The following TMEM129 variants were observed in gnomAD, a reference collection of about 807,000 sequenced individuals.
TMEM129 encodes E3 ubiquitin-protein ligase TM129.
Under a neutral mutation model 34.1 loss-of-function variants are expected in TMEM129, and 35 were observed. The ratio of observed to expected loss-of-function variants is 1.03; its 90% CI spans 0.78 to 1.36. The LOEUF (loss-of-function observed/expected upper bound fraction) is 1.36. Ranked by LOEUF, TMEM129 falls within the 40% of genes most tolerant of loss-of-function variation. TMEM129 has a pLI of 0.00. For missense variants in TMEM129, 504 were observed against 512.6 expected, an observed-to-expected ratio of 0.98 and a Z score of 0.16; for synonymous variants, 239 against 217.3, an observed-to-expected ratio of 1.10 and a Z score of -0.88.
rs1454031758 is a variant in TMEM129 at position 1,717,515 on chromosome 4, C to T, written c.840+1G>A. On this transcript the variant is annotated splice_donor_variant, in intron 3 of 3. Coordinates refer to ENST00000382936, the MANE Select transcript of TMEM129 (RefSeq NM_001127266.2). LOFTEE classifies it high-confidence loss of function. ...ACCCGGCCCTGGCCCAGGCCCCCCA[C>T]CTGGCTGCTGGGCACTGAGTAGGCC... The T allele has an allele frequency of 5.9e-6, 9 of 1,518,084 alleles. No individual in the cohort carries two copies. The highest frequency in any genetic ancestry group is 2.5e-5 in the East Asian group (1 of 40,422). The allele number at this position is 1,518,084 out of a possible 1,614,324, so 94.0% of individuals were successfully genotyped here.
In TMEM129 at chr4:1,718,988, G is replaced by A. The variant is rs997432541; in HGVS notation, c.206-362C>T. 1.4e-5 allele frequency: 18 copies of A among 1,267,602 alleles called. 1 individual carries two copies. Among genetic ancestry groups the A allele is most frequent in the Admixed American group, 5.0e-5 (2 of 40,082 alleles). The allele number at this position is 1,267,602 out of a possible 1,614,324, so 78.5% of individuals were successfully genotyped here. On this transcript the variant is annotated intron_variant, in intron 1 of 3. Coordinates refer to ENST00000382936, the MANE Select transcript of TMEM129 (RefSeq NM_001127266.2). ...GGATCTCAGTCTCTCAATCTCACCCGCTCTGAGGAGGCTGATCAAATGTGG... is the reference window on the plus strand; with the variant it reads ...GGATCTCAGTCTCTCAATCTCACCCACTCTGAGGAGGCTGATCAAATGTGG...
At chr4:1,719,568 G>GA (rs1458708932) in intron 1 of TMEM129, among the ~76,000 whole-genome samples, 1 of 152,182 alleles carries the variant, frequency 6.6e-6, no homozygotes, top group Non-Finnish European at 1.5e-5. Context: ...AATAAAGCTT[G>GA]AAAACTTTCA....
In TMEM129 at chr4:1,721,013, TCCCGCCGC is replaced by T. The variant is rs1717304895; in HGVS notation, c.-184_-177del. ...CCGCGGGGCACTCTAGGACATGGAG[TCCCGCCGC>T]CCGGCCGCCCGCGGGGCACTCTAGG... On this transcript the variant is annotated 5_prime_UTR_variant, in exon 1 of 4. Coordinates refer to ENST00000382936, the MANE Select transcript of TMEM129 (RefSeq NM_001127266.2). The T allele has an allele frequency of 9.0e-6, 2 of 221,894 alleles. No homozygotes were observed. The highest frequency in any genetic ancestry group is 1.1e-4 in the East Asian group (2 of 18,508). The allele number at this position is 221,894 out of a possible 1,614,324, so 13.7% of individuals were successfully genotyped here.
At position 1,718,209 on chromosome 4, in the gene TMEM129, T is replaced by G. The variant is rs1187995480; in HGVS notation, c.623A>C (p.Gln208Pro). ...GCTGGCCACACGGATGGTGAGGAGC[T>G]GCACGGGCAAGTTCGAGTCTGGCGA... ...ELSPDSNLPVQLLTIRVASTN... is the reference protein window; with the variant it reads ...ELSPDSNLPVPLLTIRVASTN... The change falls in exon 2 of 4, where the codon CAG becomes CCG. Residue 208 changes from glutamine to proline, a missense_variant. Transcript: ENST00000382936. The G allele has an allele frequency of 1.3e-6, 2 of 1,594,106 alleles. No individual in the cohort carries two copies. The highest frequency in any genetic ancestry group is 2.7e-5 in the African/African-American group (2 of 74,478).
In TMEM129 at chr4:1,717,176, C is replaced by A; in HGVS notation, c.*4G>T. 6.9e-7 allele frequency: 1 copy of A among 1,440,444 alleles called. No individual in the cohort carries two copies. 89.2% of individuals were successfully genotyped at this position (1,440,444 alleles called of 1,614,324 possible). On this transcript the variant is annotated 3_prime_UTR_variant, in exon 4 of 4. Coordinates refer to ENST00000382936, the MANE Select transcript of TMEM129 (RefSeq NM_001127266.2). ...CACAGAGTCACCTCAAGGCCCCAGC[C>A]CACTCAGCGCACGGTGCACACATCC... is the stretch of plus-strand genomic sequence containing the variant.
In TMEM129 at chr4:1,720,896, G is replaced by A. The variant is rs1717291562; in HGVS notation, c.-59C>T. On this transcript the variant is annotated 5_prime_UTR_variant, in exon 1 of 4. Transcript: ENST00000382936. This position sits in a 1 kb window ranked among gnomAD's most constrained non-coding sequence, Gnocchi z 4.4. ...CCCGCCCCGGCGCGCGGACGAGGCC[G>A]CAGCGCCCAGTCCCGGACCTGTCGG... 2.0e-5 allele frequency: 30 copies of A among 1,502,714 alleles called. No individual in the cohort carries two copies. Among genetic ancestry groups the A allele is most frequent in the Non-Finnish European group, 2.5e-5 (28 of 1,116,364 alleles). The allele number at this position is 1,502,714 out of a possible 1,614,324, so 93.1% of individuals were successfully genotyped here.
At chr4:1,719,743 C>G (rs1042543583) in intron 1 of TMEM129, among the ~76,000 whole-genome samples, 1 of 152,178 alleles carries the variant, frequency 6.6e-6, no homozygotes, top group Non-Finnish European at 1.5e-5. Context: ...AGAAAGTGGC[C>G]TGGTCAGGGC....
Position 1,718,195 on chromosome 4 carries a change from G to A in TMEM129, c.637C>T (p.Arg213Cys), listed in dbSNP as rs147072414. The change falls in exon 2 of 4, where the codon CGT becomes TGT. Residue 213 changes from arginine to cysteine, a missense_variant. Physicochemically the swap from Arg to Cys is radical, Grantham distance 180. Transcript: ENST00000382936. ...ACAGCAGGGTTGGTGCTGGCCACACGGATGGTGAGGAGCTGCACGGGCAAG... is the reference window on the plus strand; with the variant it reads ...ACAGCAGGGTTGGTGCTGGCCACACAGATGGTGAGGAGCTGCACGGGCAAG... ...SNLPVQLLTI[R>C]VASTNPAVQA... The A allele has an allele frequency of 3.1e-5, 49 of 1,588,348 alleles. 1 individual carries two copies. In the South Asian group the frequency reaches 4.2e-4, roughly 14 times the overall value.
In TMEM129 at chr4:1,720,890, G is replaced by A. The variant is rs571390626; in HGVS notation, c.-53C>T. On this transcript the variant is annotated 5_prime_UTR_variant, in exon 1 of 4. Transcript: ENST00000382936. The surrounding 1 kb of genome is among the most constrained non-coding windows in gnomAD (Gnocchi z 4.4). ...TAGGCCCCCGCCCCGGCGCGCGGAC[G>A]AGGCCGCAGCGCCCAGTCCCGGACC... 6.6e-7 allele frequency: 1 copy of A among 1,519,316 alleles called. No individual in the cohort carries two copies. Among genetic ancestry groups the A allele is most frequent in the East Asian group, 2.5e-5 (1 of 39,528 alleles). 94.1% of individuals were successfully genotyped at this position (1,519,316 alleles called of 1,614,324 possible).
chr4:1,720,912 G>T lies in TMEM129; in HGVS notation c.-75C>A, dbSNP rs1346467948. 7.8e-7 allele frequency: 1 copy of T among 1,288,638 alleles called. No individual in the cohort carries two copies. The highest frequency in any genetic ancestry group is 1.0e-6 in the Non-Finnish European group (1 of 1,004,246). The allele number at this position is 1,288,638 out of a possible 1,614,324, so 79.8% of individuals were successfully genotyped here. ...GACGAGGCCGCAGCGCCCAGTCCCGGACCTGTCGGTTGCGGCGGCCGCCGC... is the reference window on the plus strand; with the variant it reads ...GACGAGGCCGCAGCGCCCAGTCCCGTACCTGTCGGTTGCGGCGGCCGCCGC... On this transcript the variant is annotated 5_prime_UTR_variant, in exon 1 of 4. Coordinates refer to ENST00000382936, the MANE Select transcript of TMEM129 (RefSeq NM_001127266.2). The surrounding 1 kb of genome is among the most constrained non-coding windows in gnomAD (Gnocchi z 4.4).
rs972265773 is a variant in TMEM129 at position 1,715,962 on chromosome 4, C to G, written c.*1218G>C. 2.0e-5 allele frequency: 3 copies of G among 152,240 alleles called. No homozygotes were observed. The highest frequency in any genetic ancestry group is 1.3e-4 in the Admixed American group (2 of 15,286). The allele number at this position is 152,240 out of a possible 1,614,324, so 9.4% of individuals were successfully genotyped here. ...ACAAAACACAGTACATCACTTCAGA[C>G]TAAATTTTATTAAATATGGTGTCAT... On this transcript the variant is annotated 3_prime_UTR_variant, in exon 4 of 4. Coordinates refer to ENST00000382936, the MANE Select transcript of TMEM129 (RefSeq NM_001127266.2).
rs750517680 is a variant in TMEM129 at position 1,720,487 on chromosome 4, C to G, written c.205+146G>C. 177 of 1,080,028 alleles carry G rather than the reference C, an allele frequency of 1.6e-4. No homozygotes were observed. The highest frequency in any genetic ancestry group is 2.1e-4 in the Non-Finnish European group (167 of 784,848). 66.9% of individuals were successfully genotyped at this position (1,080,028 alleles called of 1,614,324 possible). On this transcript the variant is annotated intron_variant, in intron 1 of 3. Coordinates refer to ENST00000382936, the MANE Select transcript of TMEM129 (RefSeq NM_001127266.2). The surrounding 1 kb of genome is among the most constrained non-coding windows in gnomAD (Gnocchi z 4.4). ...CCCTAAGCGCGCTCAGCCCACGCCG[C>G]GGTCCCTCTGGATGAGGACCGGCGC...
chr4:1,719,771 C>T (rs981156783), intron 1 of TMEM129, among the ~76,000 whole-genome samples: 2 of 152,134 alleles, frequency 1.3e-5, no homozygotes, highest in Non-Finnish European at 1.5e-5. Flanking sequence ...CCACTCAGCC[C>T]CATCCATCTC....
Position 1,721,101 on chromosome 4 carries a change from G to A in TMEM129, c.-264C>T, listed in dbSNP as rs867341081. 8.7e-5 allele frequency: 23 copies of A among 263,082 alleles called. No individual in the cohort carries two copies. Among genetic ancestry groups the A allele is most frequent in the Middle Eastern group, 2.3e-3 (2 of 888 alleles). 16.3% of individuals were successfully genotyped at this position (263,082 alleles called of 1,614,324 possible). On this transcript the variant is annotated 5_prime_UTR_variant, in exon 1 of 4. Coordinates refer to ENST00000382936, the MANE Select transcript of TMEM129 (RefSeq NM_001127266.2). ...GGGGCACTCTAGGGCATGGAGTCCC[G>A]CCGCTCGGCCGCTCGCGGGGCGCTC...
chr4:1,720,703 G>A lies in TMEM129; in HGVS notation c.135C>T (p.Asp45=), dbSNP rs1387803725. ...GCAAGTGGAAGGGCACGAAGGCGGC[G>A]TCCTCGCTGCCCAGCCAGCCCGACA... The part of the protein sequence containing the change: ...NLLSGWLGSE[D]AAFVPFHLRR... The change falls in exon 1 of 4, where the codon GAC becomes GAT. Residue 45 remains aspartate, a synonymous_variant. Coordinates refer to ENST00000382936, the MANE Select transcript of TMEM129 (RefSeq NM_001127266.2). The surrounding 1 kb of genome is among the most constrained non-coding windows in gnomAD (Gnocchi z 4.4). The A allele has an allele frequency of 1.3e-6, 2 of 1,555,894 alleles. No individual in the cohort carries two copies. Among genetic ancestry groups the A allele is most frequent in the African/African-American group, 2.7e-5 (2 of 73,214 alleles).
Position 1,720,637 on chromosome 4 carries a change from C to A in TMEM129, c.201G>T (p.Pro67=). The change falls in exon 1 of 4, where the codon CCG becomes CCT. Residue 67 remains proline, a synonymous_variant. Transcript: ENST00000382936. The surrounding 1 kb of genome is among the most constrained non-coding windows in gnomAD (Gnocchi z 4.4). Reference sequence around the variant, plus strand: ...GGCCGGCCCGAGCAGCCTCACCGAGCGGCAGCAGCGAGTGGCACAACAGCG... The same window carrying A: ...GGCCGGCCCGAGCAGCCTCACCGAGAGGCAGCAGCGAGTGGCACAACAGCG... ...AATLLCHSLL[P]LGYYVGMCLA... 1 of 1,539,504 alleles carries A rather than the reference C, an allele frequency of 6.5e-7. No homozygotes were observed. The highest frequency in any genetic ancestry group is 8.7e-7 in the Non-Finnish European group (1 of 1,144,748).
rs1028684009 is a variant in TMEM129, at chr4:1,720,927, G to A, written c.-90C>T. 8.3e-7 allele frequency: 1 copy of A among 1,204,028 alleles called. No homozygotes were observed. The highest frequency in any genetic ancestry group is 1.1e-6 in the Non-Finnish European group (1 of 939,352). The allele number at this position is 1,204,028 out of a possible 1,614,324, so 74.6% of individuals were successfully genotyped here. A position where few individuals can be genotyped will look rare whatever the true frequency, so the allele number is the denominator to read the frequency against. Reference sequence around the variant, plus strand: ...CCCAGTCCCGGACCTGTCGGTTGCGGCGGCCGCCGCCCGGCCGCCCGCGGG... The same window carrying A: ...CCCAGTCCCGGACCTGTCGGTTGCGACGGCCGCCGCCCGGCCGCCCGCGGG... On this transcript the variant is annotated 5_prime_UTR_variant, in exon 1 of 4. Coordinates refer to ENST00000382936, the MANE Select transcript of TMEM129 (RefSeq NM_001127266.2). This position sits in a 1 kb window ranked among gnomAD's most constrained non-coding sequence, Gnocchi z 4.4.
At position 1,718,452 on chromosome 4, in the gene TMEM129, G is replaced by A. The variant is rs138807061; in HGVS notation, c.380C>T (p.Thr127Ile). ...CTGTGGGAGGGCGTAGAGGGCCAGG[G>A]TGCGCGCCAGTGGGTGGCAGGCCCA... ...DRWACHPLAR[T>I]LALYALPQSG... Residue 127 changes from threonine to isoleucine, a missense_variant, in exon 2 of 4, where the codon ACC (threonine) becomes ATC (isoleucine). Thr to Ile is a moderately conservative substitution (Grantham distance 89, BLOSUM62 -1). Coordinates refer to ENST00000382936, the MANE Select transcript of TMEM129 (RefSeq NM_001127266.2). 6 of 1,569,572 alleles carry A rather than the reference G, an allele frequency of 3.8e-6. No homozygotes were observed. The highest frequency in any genetic ancestry group is 1.7e-4 in the Middle Eastern group (1 of 6,000).
chr4:1,720,873 C>T lies in TMEM129; in HGVS notation c.-36G>A. 2 of 1,539,352 alleles carry T rather than the reference C, an allele frequency of 1.3e-6. No homozygotes were observed. Among genetic ancestry groups the T allele is most frequent in the Non-Finnish European group, 1.8e-6 (2 of 1,141,340 alleles). On this transcript the variant is annotated 5_prime_UTR_variant, in exon 1 of 4. Coordinates refer to ENST00000382936, the MANE Select transcript of TMEM129 (RefSeq NM_001127266.2). The surrounding 1 kb of genome is among the most constrained non-coding windows in gnomAD (Gnocchi z 4.4). ...CCGGGAAGCTGTCGAGCTAGGCCCC[C>T]GCCCCGGCGCGCGGACGAGGCCGCA...
Sources: gnomAD v4.1 joint callset for allele counts (sites outside exome capture counted in the v4.1 genomes callset) on GRCh38, gnomAD v4.1.1 for gene constraint, Gnocchi (gnomAD v3.1) non-coding constraint, MANE v1.5 for transcripts, NCBI Gene and HGNC (gene_info 2026-07-23, HGNC 2026-07-21) for gene names.